INSL6: variants seen among roughly 807,000 people sequenced by gnomAD.
The protein encoded by INSL6 is insulin like 6, also known as insulin-like peptide INSL6.
A neutral mutation model predicts 9.4 loss-of-function variants in INSL6; 16 were observed. The observed-to-expected ratio is 1.70, with a 90% confidence interval of 1.15 to 2.59. The LOEUF (loss-of-function observed/expected upper bound fraction) is 2.59, where lower values mean the gene tolerates loss of function less well. INSL6 is among the 30% of genes most tolerant of loss of function. The pLI is 0.00. For missense variants in INSL6, 391 were observed against 257.3 expected (o/e 1.52, Z -3.56); for synonymous variants, 154 against 96.9 (o/e 1.59, Z -3.46).
chr9:5,062,500 TAAAAA>T, the INSL6 span, among the ~76,000 whole-genome samples: 41 of 58,238 alleles, frequency 7.0e-4, no homozygotes, highest in African/African-American at 3.4e-3. Flanking sequence ...CTTCCATTTG[TAAAAA>T]AAAAAAAAAA....
chr9:5,017,418 T>G, the INSL6 span, among the ~76,000 whole-genome samples: 1 of 152,240 alleles, frequency 6.6e-6, no homozygotes, highest in African/African-American at 2.4e-5. Flanking sequence ...ATTAACTTTC[T>G]ATCTTTTCAG....
At chr9:5,113,523 T>C in the INSL6 span, 865 of 152,564 alleles carry the variant, frequency 5.7e-3, 13 homozygotes, top group African/African-American at 0.02. Context: ...CCTGGTGGGC[T>C]GGTCTCAGCT....
the INSL6 span, among the ~76,000 whole-genome samples, chr9:4,992,882 C>G: frequency 1.3e-5 from 2 of 152,166 alleles, no homozygotes. Context: ...GGTCTCAGTC[C>G]TGCTTCCTGG....
At chr9:5,030,771 C>T in the INSL6 span, among the ~76,000 whole-genome samples, 1 of 151,922 alleles carries the variant, frequency 6.6e-6, no homozygotes, top group African/African-American at 2.4e-5. Context: ...CTTTCTCTTC[C>T]CCTATTCTAT....
At chr9:5,176,175 T>G (rs987266225) in intron 1 of INSL6, among the ~76,000 whole-genome samples, 4 of 152,324 alleles carry the variant, frequency 2.6e-5, no homozygotes, top group Non-Finnish European at 5.9e-5. Flanking sequence ...CAGAAGGGCC[T>G]CTGCTCCACT....
the INSL6 span, among the ~76,000 whole-genome samples, chr9:5,081,128 C>T: frequency 7.2e-5 from 11 of 152,106 alleles, no homozygotes; most frequent in South Asian, 2.1e-3. Flanking sequence ...ATCTCCTGAT[C>T]TTGTGATCCG....
the INSL6 span, among the ~76,000 whole-genome samples, chr9:5,039,881 A>G: frequency 0.011 from 1,699 of 152,276 alleles, 23 homozygotes; most frequent in African/African-American, 0.036. Context: ...TAAGATGGCA[A>G]TACTCCTTAA....
chr9:5,120,778 G>C (rs1479793141), downstream of INSL6, among the ~76,000 whole-genome samples: 2 of 152,120 alleles, frequency 1.3e-5, no homozygotes, highest in African/African-American at 4.8e-5. Context: ...GGACTTAGTG[G>C]GTCATTAGAC....
At chr9:5,018,542 T>C in the INSL6 span, among the ~76,000 whole-genome samples, 1 of 152,164 alleles carries the variant, frequency 6.6e-6, no homozygotes, top group African/African-American at 2.4e-5. Flanking sequence ...TTTTGCCATG[T>C]TGTCCAGGCT....
At chr9:5,068,289 G>T in the INSL6 span, among the ~76,000 whole-genome samples, 4 of 151,974 alleles carry the variant, frequency 2.6e-5, no homozygotes, top group African/African-American at 7.3e-5. Context: ...TTTATAAAAT[G>T]CACCTTAAAA....
the INSL6 span, chr9:5,081,689 G>C: frequency 6.8e-7 from 1 of 1,467,068 alleles, no homozygotes; most frequent in Non-Finnish European, 9.5e-7. Flanking sequence ...AATGTTATTT[G>C]CTAATTTAAG....
the INSL6 span, among the ~76,000 whole-genome samples, chr9:5,065,642 A>G: frequency 0.32 from 47,986 of 152,086 alleles, 8,104 homozygotes; most frequent in African/African-American, 0.44. Context: ...TGTGGCTAGT[A>G]ACTATCACAT....
intron 3 of INSL6, chr9:5,132,896 C>T (rs149920514): frequency 2.6e-5 from 4 of 152,134 alleles, no homozygotes; most frequent in South Asian, 2.1e-4. Context: ...GTTCTGCTAC[C>T]GCTCTGGGAA....
intron 1 of INSL6, among the ~76,000 whole-genome samples, chr9:5,177,110 T>C (rs1171685616): frequency 1.3e-5 from 2 of 152,122 alleles, no homozygotes; most frequent in African/African-American, 4.8e-5. Flanking sequence ...GCCAATTAGA[T>C]GCAGCTGTGA....
At chr9:5,118,316 CATAAT>C in the INSL6 span, among the ~76,000 whole-genome samples, 1 of 152,130 alleles carries the variant, frequency 6.6e-6, no homozygotes, top group African/African-American at 2.4e-5. Context: ...CCAAATTTTG[CATAAT>C]ATGTTACACT....
the INSL6 span, among the ~76,000 whole-genome samples, chr9:5,106,772 C>T: frequency 2.0e-5 from 3 of 152,104 alleles, no homozygotes; most frequent in Non-Finnish European, 2.9e-5. Context: ...AGCTGGAAAC[C>T]ATCATTCTCA....
the INSL6 span, among the ~76,000 whole-genome samples, chr9:5,101,763 C>A: frequency 6.6e-6 from 1 of 152,210 alleles, no homozygotes; most frequent in Non-Finnish European, 1.5e-5. Context: ...CAAACAGAGT[C>A]TGGAGTGGAC....
the INSL6 span, chr9:5,077,721 G>C: frequency 2.1e-6 from 1 of 480,090 alleles, no homozygotes; most frequent in African/African-American, 2.0e-5. Context: ...GTGATAAAAA[G>C]AGATTACTTT....
chr9:5,111,257 C>T, the INSL6 span: 2 of 510,322 alleles, frequency 3.9e-6, no homozygotes, highest in Non-Finnish European at 7.5e-6. Flanking sequence ...GAGACGCAGG[C>T]GTGCGCAGCC....
Sources: allele counts gnomAD v4.1 joint callset (sites outside exome capture counted in the v4.1 genomes callset), GRCh38; gene constraint gnomAD v4.1.1; transcripts MANE v1.5; gene names NCBI Gene and HGNC (gene_info 2026-07-23, HGNC 2026-07-21).